IL1RAP: variants seen among roughly 807,000 people sequenced by gnomAD.
IL1RAP encodes the protein interleukin-1 receptor accessory protein.
IL1RAP carries 35 observed loss-of-function variants against 60.7 expected under a neutral mutation model. That is an observed-to-expected ratio of 0.58 (90% CI 0.44 to 0.76). The LOEUF is 0.76. Ranked by LOEUF, IL1RAP falls within the 30% of genes least tolerant of loss-of-function variation. The probability of loss-of-function intolerance (pLI) is 0.00; values close to 1 mark genes in which losing one functional copy is unlikely to be tolerated. For missense variants in IL1RAP, 572 were observed against 693.9 expected (o/e 0.82, Z 1.97); for synonymous variants, 268 against 250.9 (o/e 1.07, Z -0.64).
intron 6 of IL1RAP, among the ~76,000 whole-genome samples, chr3:190,621,163 A>G (rs1560220555): frequency 6.6e-6 from 1 of 152,202 alleles, no homozygotes; most frequent in Non-Finnish European, 1.5e-5. Context: ...TTGTTTTGTC[A>G]TACCCCATCT....
chr3:190,641,109 G>T (rs1169361889), intron 9 of IL1RAP, among the ~76,000 whole-genome samples: 1 of 152,132 alleles, frequency 6.6e-6, no homozygotes, highest in Non-Finnish European at 1.5e-5. Context: ...GGGATTACAG[G>T]CATGCGCCAC....
intron 6 of IL1RAP, among the ~76,000 whole-genome samples, chr3:190,622,560 A>G (rs1211143926): frequency 6.6e-6 from 1 of 152,162 alleles, no homozygotes; most frequent in Non-Finnish European, 1.5e-5. Context: ...GATTCCTACT[A>G]CTTCTTCCTC....
chr3:190,636,899 GTATTT>G (rs1733268400), intron 9 of IL1RAP, among the ~76,000 whole-genome samples: 1 of 151,842 alleles, frequency 6.6e-6, no homozygotes. Flanking sequence ...TATTTTCATT[GTATTT>G]TATTTTATCA....
intron 3 of IL1RAP, among the ~76,000 whole-genome samples, chr3:190,594,867 C>A (rs1729249433): frequency 6.6e-6 from 1 of 152,146 alleles, no homozygotes; most frequent in African/African-American, 2.4e-5. Context: ...ATGTCATAGG[C>A]TTATTTCATT....
chr3:190,609,303 TA>T, intron 5 of IL1RAP, 122 bp downstream of exon 5: 1 of 632,590 alleles, frequency 1.6e-6, no homozygotes, highest in Non-Finnish European at 2.6e-6. Context: ...TATTCCGTAA[TA>T]GCTTTATGGA....
intron 1 of IL1RAP, chr3:190,519,150 C>G (rs1481945666): frequency 6.6e-6 from 1 of 152,178 alleles, no homozygotes; most frequent in Non-Finnish European, 1.5e-5. Flanking sequence ...TAGATGATCT[C>G]TAAATTTCTT....
At chr3:190,608,158 A>G (rs1730508513) in intron 4 of IL1RAP, among the ~76,000 whole-genome samples, 1 of 152,176 alleles carries the variant, frequency 6.6e-6, no homozygotes, top group African/African-American at 2.4e-5. Flanking sequence ...ATATGTTCTG[A>G]GAAATATTTG....
At chr3:190,606,786 T>C (rs1237883509) in intron 4 of IL1RAP, among the ~76,000 whole-genome samples, 1 of 152,170 alleles carries the variant, frequency 6.6e-6, no homozygotes, top group Non-Finnish European at 1.5e-5. Flanking sequence ...ATGTCGAATC[T>C]GAGAATGACC....
chr3:190,637,643 A>C (rs1211061628), intron 9 of IL1RAP, among the ~76,000 whole-genome samples: 2 of 152,122 alleles, frequency 1.3e-5, no homozygotes, highest in Non-Finnish European at 2.9e-5. Flanking sequence ...CAAATTGCAT[A>C]ATTCAAGTGT....
At chr3:190,646,063 A>C (rs1048415011) in intron 11 of IL1RAP, among the ~76,000 whole-genome samples, 1 of 152,236 alleles carries the variant, frequency 6.6e-6, no homozygotes, top group Admixed American at 6.5e-5. Context: ...TCTTTCAGAG[A>C]TGCATGTCAG....
intron 5 of IL1RAP, among the ~76,000 whole-genome samples, chr3:190,618,135 G>T (rs1332828604): frequency 6.6e-6 from 1 of 151,520 alleles, no homozygotes; most frequent in Non-Finnish European, 1.5e-5. Context: ...GTTCAGGGCT[G>T]CTATATGGAA....
In IL1RAP at chr3:190,649,624, C is replaced by G. The variant is rs1734272080; in HGVS notation, c.*919C>G. The G allele has an allele frequency of 1.0e-6, 1 of 985,704 alleles. No homozygotes were observed. Among genetic ancestry groups the G allele is most frequent in the Non-Finnish European group, 1.2e-6 (1 of 829,924 alleles). The allele number at this position is 985,704 out of a possible 1,614,324, so 61.1% of individuals were successfully genotyped here. A position where few individuals can be genotyped will look rare whatever the true frequency, so the allele number is the denominator to read the frequency against. ...GGCAATTTGTCTTTTAAGTCTTAAC[C>G]TTGCTAATGTGAATACTGGGAAAGT... On this transcript the variant is annotated 3_prime_UTR_variant, in exon 12 of 12. Coordinates refer to ENST00000447382, the MANE Select transcript of IL1RAP (RefSeq NM_002182.4).
intron 1 of IL1RAP, among the ~76,000 whole-genome samples, chr3:190,528,693 T>C (rs74606133): frequency 0.02 from 3,114 of 152,270 alleles, 96 homozygotes; most frequent in African/African-American, 0.07. Flanking sequence ...GTATTTCAAA[T>C]AGCATGAGAA....
chr3:190,539,467 A>G (rs1423504742), intron 1 of IL1RAP, among the ~76,000 whole-genome samples: 1 of 152,086 alleles, frequency 6.6e-6, no homozygotes, highest in Non-Finnish European at 1.5e-5. Context: ...AAGTATCTCC[A>G]TCTTCCCCAC....
intron 1 of IL1RAP, among the ~76,000 whole-genome samples, chr3:190,535,241 G>A (rs1432611174): frequency 1.3e-5 from 2 of 152,134 alleles, no homozygotes; most frequent in Non-Finnish European, 2.9e-5. Flanking sequence ...TCTCCTGCCT[G>A]CTTGTGCAAT....
intron 1 of IL1RAP, among the ~76,000 whole-genome samples, chr3:190,536,129 T>G (rs1392795067): frequency 6.6e-6 from 1 of 152,150 alleles, no homozygotes; most frequent in African/African-American, 2.4e-5. Context: ...TGTTGGGTGT[T>G]AGTAGCTCAA....
intron 1 of IL1RAP, among the ~76,000 whole-genome samples, chr3:190,539,611 T>C (rs1455731461): frequency 6.6e-6 from 1 of 151,922 alleles, no homozygotes; most frequent in Non-Finnish European, 1.5e-5. Context: ...ATAACTCTGG[T>C]GATATTCCTG....
rs538515929 is a variant in IL1RAP, at chr3:190,581,395, A to G, written c.64+17042A>G. On this transcript the variant is annotated intron_variant, in intron 3 of 11. Transcript: ENST00000447382. ...AGCAGAAGCTCAGTCAAATGAGCCT[A>G]GAAACCACACACTTGGCAGGTAGGT... 1.3e-5 allele frequency among the ~76,000 whole-genome samples: 2 copies of G among 152,238 alleles called. 1 individual carries two copies. The highest frequency in any genetic ancestry group is 2.9e-5 in the Non-Finnish European group (2 of 68,042).
rs192157619 is a variant in IL1RAP at position 190,593,116 on chromosome 3, A to G, written c.65-11012A>G. Among the ~76,000 whole-genome samples, 5 of 152,206 alleles carry G rather than the reference A, an allele frequency of 3.3e-5. No individual in the cohort carries two copies. The East Asian group carries it at 9.6e-4, about 29-fold the overall frequency. On this transcript the variant is annotated intron_variant, in intron 3 of 11. Coordinates refer to ENST00000447382, the MANE Select transcript of IL1RAP (RefSeq NM_002182.4). ...TTTGGCATTCTTTCCTAATCTGACA[A>G]ATGTTATCATCCCTTGTATCTGTCA...
Sources: gnomAD v4.1 joint callset for allele counts (sites outside exome capture counted in the v4.1 genomes callset) on GRCh38, gnomAD v4.1.1 for gene constraint, MANE v1.5 for transcripts, NCBI Gene and HGNC (gene_info 2026-07-23, HGNC 2026-07-21) for gene names.